The following POT1 variants were observed in gnomAD, a reference collection of about 807,000 sequenced individuals.
The protein encoded by POT1 is protection of telomeres 1, also known as protection of telomeres protein 1.
Under a neutral mutation model 78.5 loss-of-function variants are expected in POT1, and 47 were observed. The ratio of observed to expected loss-of-function variants is 0.60; its 90% CI spans 0.47 to 0.76. POT1 has a LOEUF of 0.76. POT1 is among the 30% of genes least tolerant of loss of function. The pLI is 0.00. For synonymous variants in POT1, 259 were observed against 260.7 expected, an observed-to-expected ratio of 0.99 and a Z score of 0.06; for missense variants, 646 against 749.9, an observed-to-expected ratio of 0.86 and a Z score of 1.62.
intron 17 of POT1, among the ~76,000 whole-genome samples, chr7:124,826,041 G>T (rs761033947): frequency 2.6e-5 from 4 of 152,138 alleles, no homozygotes; most frequent in Non-Finnish European, 5.9e-5. Flanking sequence ...GAAGCCCTGG[G>T]TCACTATGAA....
chr7:124,852,829 T>A (rs74970329), intron 10 of POT1, 143 bp downstream of exon 10: 1 of 683,526 alleles, frequency 1.5e-6, no homozygotes, highest in African/African-American at 1.8e-5. Flanking sequence ...ATCATTTGAT[T>A]TGTTTCATTT....
intron 6 of POT1, among the ~76,000 whole-genome samples, chr7:124,871,610 A>G (rs1466390000): frequency 6.6e-6 from 1 of 152,168 alleles, no homozygotes; most frequent in African/African-American, 2.4e-5. Context: ...ATTATACATT[A>G]TAACAAAAGA....
chr7:124,919,621 C>T (rs1389015812), intron 2 of POT1, among the ~76,000 whole-genome samples: 1 of 152,044 alleles, frequency 6.6e-6, no homozygotes, highest in Admixed American at 6.6e-5. Context: ...CAGGCACGTA[C>T]AGAGAAAATG....
At chr7:124,857,949 C>T (rs1795487259) in intron 9 of POT1, among the ~76,000 whole-genome samples, 1 of 152,150 alleles carries the variant, frequency 6.6e-6, no homozygotes, top group Admixed American at 6.5e-5. Context: ...TCAGATGCTG[C>T]TGTGGGGCCA....
At chr7:124,829,085 G>A in intron 16 of POT1, 169 bp downstream of exon 16, 1 of 764,596 alleles carries the variant, frequency 1.3e-6, no homozygotes, top group East Asian at 2.5e-5. Context: ...CAGACTAAAG[G>A]AAGGCTTGGC....
At chr7:124,835,449 C>A in intron 14 of POT1, 35 bp from the exon 15 acceptor site, 1 of 1,598,868 alleles carries the variant, frequency 6.3e-7, no homozygotes, top group African/African-American at 1.3e-5. Context: ...TCAAGTAGTG[C>A]AAATAAAATG....
At chr7:124,830,306 TTGA>T (rs1171548792) in intron 15 of POT1, among the ~76,000 whole-genome samples, 5 of 152,126 alleles carry the variant, frequency 3.3e-5, no homozygotes, top group African/African-American at 9.7e-5. Flanking sequence ...TTATGAGATG[TTGA>T]TAAGAAAATA....
intron 17 of POT1, 159 bp downstream of exon 17, chr7:124,827,055 T>A: frequency 2.7e-6 from 1 of 375,642 alleles, no homozygotes; most frequent in Non-Finnish European, 4.8e-6. Flanking sequence ...AAAAAAGAGA[T>A]ACATACACAG....
intron 2 of POT1, among the ~76,000 whole-genome samples, chr7:124,917,599 C>T (rs1039009657): frequency 1.3e-5 from 2 of 152,060 alleles, no homozygotes; most frequent in Non-Finnish European, 2.9e-5. Flanking sequence ...ATGAGGCATA[C>T]AAAAGAGGCA....
intron 3 of POT1, among the ~76,000 whole-genome samples, chr7:124,911,528 TA>T (rs1796889491): frequency 6.6e-6 from 1 of 152,190 alleles, no homozygotes; most frequent in Non-Finnish European, 1.5e-5. Context: ...TGATTTGTTC[TA>T]TGAGCTTTAG....
chr7:124,849,911 G>A (rs958201849), intron 11 of POT1, among the ~76,000 whole-genome samples: 1 of 151,922 alleles, frequency 6.6e-6, no homozygotes, highest in East Asian at 1.9e-4. Context: ...TTATATATAG[G>A]TATATATGTT....
chr7:124,834,101 AAC>A, intron 15 of POT1, among the ~76,000 whole-genome samples: 1 of 152,204 alleles, frequency 6.6e-6, no homozygotes, highest in African/African-American at 2.4e-5. Flanking sequence ...TACAAAAATC[AAC>A]TCAAGATGGA....
intron 6 of POT1, 96 bp downstream of exon 6, chr7:124,892,170 A>C: frequency 2.8e-6 from 2 of 717,440 alleles, no homozygotes. Context: ...GTCAGAACTG[A>C]GCTTCTATTC....
At chr7:124,923,575 G>T (rs1254123365) in intron 2 of POT1, among the ~76,000 whole-genome samples, 1 of 151,620 alleles carries the variant, frequency 6.6e-6, no homozygotes, top group Non-Finnish European at 1.5e-5. Flanking sequence ...TTCCTAAGGG[G>T]GAAGAGAGAT....
At chr7:124,840,935 A>G (rs1284398529) in intron 14 of POT1, 38 bp downstream of exon 14, 1 of 1,455,130 alleles carries the variant, frequency 6.9e-7, no homozygotes, top group Non-Finnish European at 9.6e-7. Flanking sequence ...AATATGCAAA[A>G]GGAGTATTCT....
chr7:124,890,478 A>G (rs1200183370), intron 6 of POT1, among the ~76,000 whole-genome samples: 2 of 152,002 alleles, frequency 1.3e-5, no homozygotes, highest in Admixed American at 1.3e-4. Context: ...AATAAGTTCT[A>G]CTGTGAATAA....
intron 18 of POT1, 35 bp from the exon 19 acceptor site, chr7:124,824,109 A>G (rs1173856263): frequency 7.5e-7 from 1 of 1,340,090 alleles, no homozygotes; most frequent in East Asian, 2.4e-5. Flanking sequence ...CGATTTAACC[A>G]TTAAAACAAA....
At chr7:124,883,913 AT>A (rs1796182566) in intron 6 of POT1, among the ~76,000 whole-genome samples, 2 of 152,018 alleles carry the variant, frequency 1.3e-5, no homozygotes, top group South Asian at 4.2e-4. Context: ...CCTAGGTCTT[AT>A]GAAGTAACAA....
chr7:124,832,643 C>T (rs1011089769), intron 15 of POT1, among the ~76,000 whole-genome samples: 12 of 151,908 alleles, frequency 7.9e-5, no homozygotes, highest in Non-Finnish European at 1.6e-4. Context: ...GGTGAAACCT[C>T]GTTTCTAATA....
Sources: gnomAD v4.1 joint callset for allele counts (sites outside exome capture counted in the v4.1 genomes callset) on GRCh38, gnomAD v4.1.1 for gene constraint, MANE v1.5 for transcripts, NCBI Gene and HGNC (gene_info 2026-07-23, HGNC 2026-07-21) for gene names.